OSBPL3: variants seen among roughly 807,000 people sequenced by gnomAD.
OSBPL3 encodes oxysterol-binding protein-related protein 3.
In OSBPL3, 65 loss-of-function variants were observed where a neutral mutation model predicts 120.1. The ratio of observed to expected loss-of-function variants is 0.54; its 90% CI spans 0.44 to 0.67. The LOEUF (loss-of-function observed/expected upper bound fraction) is 0.67, where lower values mean the gene tolerates loss of function less well. OSBPL3 is among the 30% of genes least tolerant of loss of function. The pLI, the probability that OSBPL3 is intolerant of heterozygous loss-of-function variation, is 0.00. For synonymous variants in OSBPL3, 416 were observed against 402.6 expected (o/e 1.03, Z -0.40); for missense variants, 1,004 against 1,082.1 (o/e 0.93, Z 1.01).
In OSBPL3 at chr7:24,849,137, T is replaced by C. The variant is rs773296304; in HGVS notation, c.1198A>G (p.Arg400Gly). ...QNTDLKERLR[R>G]IHAESLLLDS... ...AGGAGCAGAGACTCGGCATGGATTC[T>C]GCGTAAGCGTTCTTTAAGATCTGTG... is the stretch of plus-strand genomic sequence containing the variant. The change falls in exon 12 of 23, where the codon AGA (arginine) becomes GGA (glycine). Residue 400 changes from arginine to glycine, a missense_variant. Transcript: ENST00000313367. This position sits in a 1 kb window ranked among gnomAD's most constrained non-coding sequence, Gnocchi z 5.4. 2 of 1,613,942 alleles carry C rather than the reference T, an allele frequency of 1.2e-6. No individual in the cohort carries two copies. The highest frequency in any genetic ancestry group is 1.7e-6 in the Non-Finnish European group (2 of 1,179,922).
chr7:24,820,672 T>C lies in OSBPL3; in HGVS notation c.1885-434A>G, dbSNP rs1278817748. Among the ~76,000 whole-genome samples the C allele has an allele frequency of 2.0e-5, 3 of 152,210 alleles. No individual in the cohort carries two copies. The highest frequency in any genetic ancestry group is 7.2e-5 in the African/African-American group (3 of 41,442). On this transcript the variant is annotated intron_variant, in intron 16 of 22. Coordinates refer to ENST00000313367, the MANE Select transcript of OSBPL3 (RefSeq NM_015550.4). The surrounding 1 kb of genome is among the most constrained non-coding windows in gnomAD (Gnocchi z 4.6). Reference sequence around the variant, plus strand: ...TTTAATTAAGATATCAAATAACAAGTATTTTAAATGCAACCCAAAATGTTC... The same window carrying C: ...TTTAATTAAGATATCAAATAACAAGCATTTTAAATGCAACCCAAAATGTTC...
intron 19 of OSBPL3, 93 bp from the exon 20 acceptor site, chr7:24,810,044 G>T: frequency 7.2e-7 from 1 of 1,392,992 alleles, no homozygotes; most frequent in Non-Finnish European, 1.0e-6. Context: ...AGAAAGGACT[G>T]TAAGAGTGGC....
Position 24,800,172 on chromosome 7 carries a change from T to G in OSBPL3, c.*11A>C, listed in dbSNP as rs1433801418. 3 of 1,484,050 alleles carry G rather than the reference T, an allele frequency of 2.0e-6. No individual in the cohort carries two copies. The highest frequency in any genetic ancestry group is 3.3e-5 in the Admixed American group (2 of 59,824). 91.9% of individuals were successfully genotyped at this position (1,484,050 alleles called of 1,614,324 possible). On this transcript the variant is annotated 3_prime_UTR_variant, in exon 23 of 23. Transcript: ENST00000313367. ...AGAAATACACTAATGTTATCTTTCTTCTTTACTTTTTCACCATAAGACAGG... is the reference window on the plus strand; with the variant it reads ...AGAAATACACTAATGTTATCTTTCTGCTTTACTTTTTCACCATAAGACAGG...
intron 2 of OSBPL3, among the ~76,000 whole-genome samples, chr7:24,889,025 T>C (rs533521533): frequency 6.6e-6 from 1 of 152,248 alleles, no homozygotes; most frequent in African/African-American, 2.4e-5. Flanking sequence ...ATATACAAAA[T>C]GCCACCCTCA....
chr7:24,816,157 T>C (rs1244000089), intron 18 of OSBPL3, among the ~76,000 whole-genome samples: 1 of 152,176 alleles, frequency 6.6e-6, no homozygotes, highest in Non-Finnish European at 1.5e-5. Context: ...CCTGAGTAGC[T>C]GGGACTACAG....
rs1814521327 is a variant in OSBPL3, at chr7:24,952,196, G to A, written c.-150+27690C>T. On this transcript the variant is annotated intron_variant, in intron 1 of 22. Transcript: ENST00000313367. This position sits in a 1 kb window ranked among gnomAD's most constrained non-coding sequence, Gnocchi z 4.4. ...TGAACTACCCAGACACTGAAATGAT[G>A]CACAAAATTCTGCTCAATAGGCTGA... Among the ~76,000 whole-genome samples, 1 of 152,166 alleles carries A rather than the reference G, an allele frequency of 6.6e-6. No individual in the cohort carries two copies. The highest frequency in any genetic ancestry group is 1.5e-5 in the Non-Finnish European group (1 of 68,030).
chr7:24,914,346 T>C (rs767063898), intron 1 of OSBPL3, among the ~76,000 whole-genome samples: 11 of 151,950 alleles, frequency 7.2e-5, no homozygotes, highest in Non-Finnish European at 1.5e-4. Flanking sequence ...TGCTGTCCAA[T>C]ACTGTAGCTT....
At chr7:24,870,173 G>A (rs1801901351) in intron 5 of OSBPL3, among the ~76,000 whole-genome samples, 1 of 152,164 alleles carries the variant, frequency 6.6e-6, no homozygotes, top group African/African-American at 2.4e-5. Context: ...ACCAGATCTA[G>A]ATCTCACGCT....
rs1385420601 is a variant in OSBPL3, at chr7:24,862,512, C to T, written c.870+688G>A. On this transcript the variant is annotated intron_variant, in intron 9 of 22. Coordinates refer to ENST00000313367, the MANE Select transcript of OSBPL3 (RefSeq NM_015550.4). This position sits in a 1 kb window ranked among gnomAD's most constrained non-coding sequence, Gnocchi z 4.4. ...TTTGTACATGGAACATTCTTTACTT[C>T]CAAAGTGCTTATCTTCAGTCCATAA... Among the ~76,000 whole-genome samples, 3 of 152,284 alleles carry T rather than the reference C, an allele frequency of 2.0e-5. No homozygotes were observed. The highest frequency in any genetic ancestry group is 7.2e-5 in the African/African-American group (3 of 41,556).
chr7:24,866,388 A>C (rs1801321348), intron 5 of OSBPL3, 151 bp from the exon 6 acceptor site: 2 of 674,206 alleles, frequency 3.0e-6, no homozygotes, highest in Non-Finnish European at 5.2e-6. Context: ...CTGTAATTCC[A>C]GCAATTTGGA....
chr7:24,862,220 T>A lies in OSBPL3; in HGVS notation c.871-451A>T, dbSNP rs1800667074. On this transcript the variant is annotated intron_variant, in intron 9 of 22. Transcript: ENST00000313367. The surrounding 1 kb of genome is among the most constrained non-coding windows in gnomAD (Gnocchi z 4.4). ...CTTTCTACTGAGTGATAACTTATTT[T>A]AAAAAATGAGAACTCAAGACAACAC... Among the ~76,000 whole-genome samples, 1 of 152,160 alleles carries A rather than the reference T, an allele frequency of 6.6e-6. No homozygotes were observed. The highest frequency in any genetic ancestry group is 1.5e-5 in the Non-Finnish European group (1 of 68,034).
At chr7:24,847,072 AAAAAAAG>A in intron 12 of OSBPL3, among the ~76,000 whole-genome samples, 1 of 151,968 alleles carries the variant, frequency 6.6e-6, no homozygotes, top group Admixed American at 6.6e-5. Flanking sequence ...AAAAAAAAAA[AAAAAAAG>A]AAAGAAAGAA....
rs1231735778 is a variant in OSBPL3 at position 24,898,774 on chromosome 7, C to G, written c.-149-6153G>C. 2.0e-5 allele frequency among the ~76,000 whole-genome samples: 3 copies of G among 152,122 alleles called. No individual in the cohort carries two copies. The highest frequency in any genetic ancestry group is 4.4e-5 in the Non-Finnish European group (3 of 68,036). On this transcript the variant is annotated intron_variant, in intron 1 of 22. Transcript: ENST00000313367. This position sits in a 1 kb window ranked among gnomAD's most constrained non-coding sequence, Gnocchi z 4.3. ...AACACCAGTCATTAGAATCATGGAG[C>G]CTAATAACGAATTCTAGCCCAACCT...
chr7:24,885,371 G>C (rs897886674), intron 2 of OSBPL3, among the ~76,000 whole-genome samples: 21 of 152,116 alleles, frequency 1.4e-4, no homozygotes, highest in African/African-American at 5.1e-4. Flanking sequence ...CCTGTTTTAT[G>C]AGTTCCGGCC....
At chr7:24,850,928 C>T (rs1010664888) in intron 11 of OSBPL3, among the ~76,000 whole-genome samples, 12 of 152,186 alleles carry the variant, frequency 7.9e-5, no homozygotes, top group African/African-American at 2.7e-4. Context: ...AAGGATCATT[C>T]GGTTTTATCT....
Position 24,820,815 on chromosome 7 carries a change from A to AT in OSBPL3, c.1885-578dup, listed in dbSNP as rs1416271882. The stretch of plus-strand genomic sequence containing the variant: ...AATTTTTTTAAAAAAGAGTGTTTCT[A>AT]TTAAAAAAAAAAAAGGTAAACACAA... On this transcript the variant is annotated intron_variant, in intron 16 of 22. Coordinates refer to ENST00000313367, the MANE Select transcript of OSBPL3 (RefSeq NM_015550.4). The surrounding 1 kb of genome is among the most constrained non-coding windows in gnomAD (Gnocchi z 4.6). Among the ~76,000 whole-genome samples, 2 of 96,448 alleles carry AT rather than the reference A, an allele frequency of 2.1e-5. No homozygotes were observed. Among genetic ancestry groups the AT allele is most frequent in the Non-Finnish European group, 3.8e-5 (2 of 52,944 alleles). The allele number at this position is 96,448 out of a possible 152,430, so 63.3% of individuals were successfully genotyped here.
chr7:24,863,135 C>T lies in OSBPL3; in HGVS notation c.870+65G>A. ...TCTCCTAGCTGAGTCAAGGTAGCTG[C>T]TGGCACACGGCATGCAGAGCAGGGC... is the stretch of plus-strand genomic sequence containing the variant. On this transcript the variant is annotated intron_variant, in intron 9 of 22. Transcript: ENST00000313367. The surrounding 1 kb of genome is among the most constrained non-coding windows in gnomAD (Gnocchi z 5.8). The T allele has an allele frequency of 1.7e-6, 2 of 1,149,494 alleles. No individual in the cohort carries two copies. The highest frequency in any genetic ancestry group is 2.6e-6 in the Non-Finnish European group (2 of 757,172). The allele number at this position is 1,149,494 out of a possible 1,614,324, so 71.2% of individuals were successfully genotyped here.
In OSBPL3 at chr7:24,947,293, C is replaced by G. The variant is rs1024444339; in HGVS notation, c.-150+32593G>C. 6.6e-6 allele frequency among the ~76,000 whole-genome samples: 1 copy of G among 152,100 alleles called. No individual in the cohort carries two copies. The highest frequency in any genetic ancestry group is 6.5e-5 in the Admixed American group (1 of 15,286). ...GATGTCACTATTCACTATCCTCCTG[C>G]CAAAAATGTATTAACATAGAAAAAA... is the stretch of plus-strand genomic sequence containing the variant. On this transcript the variant is annotated intron_variant, in intron 1 of 22. Transcript: ENST00000313367. The surrounding 1 kb of genome is among the most constrained non-coding windows in gnomAD (Gnocchi z 4.4).
rs1814638107 is a variant in OSBPL3 at position 24,953,118 on chromosome 7, C to T, written c.-150+26768G>A. Among the ~76,000 whole-genome samples the T allele has an allele frequency of 1.3e-5, 2 of 152,212 alleles. No homozygotes were observed. Among genetic ancestry groups the T allele is most frequent in the Admixed American group, 1.3e-4 (2 of 15,280 alleles). On this transcript the variant is annotated intron_variant, in intron 1 of 22. Transcript: ENST00000313367. This position sits in a 1 kb window ranked among gnomAD's most constrained non-coding sequence, Gnocchi z 4.3. The stretch of plus-strand genomic sequence containing the variant: ...CACCACTGTGCTCCAGCCTGGACGA[C>T]AGAGTGAGACCCCGTCTCTAAAAGG...
Sources: allele counts gnomAD v4.1 joint callset (sites outside exome capture counted in the v4.1 genomes callset), GRCh38; gene constraint gnomAD v4.1.1; non-coding constraint Gnocchi (gnomAD v3.1); transcripts MANE v1.5; gene names NCBI Gene and HGNC (gene_info 2026-07-23, HGNC 2026-07-21).